Variants in SLC6A2 observed in about 807,000 individuals in gnomAD.
SLC6A2 encodes the protein solute carrier family 6 member 2, also known as sodium-dependent noradrenaline transporter.
SLC6A2 carries 26 observed loss-of-function variants against 71.7 expected under a neutral mutation model. The ratio of observed to expected loss-of-function variants is 0.36; its 90% confidence interval spans 0.27 to 0.50. The LOEUF is 0.50. Ranked by LOEUF, SLC6A2 falls within the 20% of genes least tolerant of loss-of-function variation. The probability of loss-of-function intolerance (pLI) is 0.96; values close to 1 mark genes in which losing one functional copy is unlikely to be tolerated. For missense variants in SLC6A2, 581 were observed against 803.9 expected, an observed-to-expected ratio of 0.72 and a Z score of 3.35; for synonymous variants, 363 against 337.9, an observed-to-expected ratio of 1.07 and a Z score of -0.82.
chr16:55,694,837 G>A (rs969591442), intron 7 of SLC6A2, among the ~76,000 whole-genome samples: 1 of 152,162 alleles, frequency 6.6e-6, no homozygotes, highest in Non-Finnish European at 1.5e-5. Flanking sequence ...TGCACTGGGG[G>A]GAGAAGCGGG....
At chr16:55,658,476 G>A (rs1964520015) in intron 2 of SLC6A2, among the ~76,000 whole-genome samples, 2 of 152,140 alleles carry the variant, frequency 1.3e-5, no homozygotes, top group South Asian at 4.2e-4. Context: ...TCACGCCACT[G>A]CACTCCAGCC....
intron 5 of SLC6A2, among the ~76,000 whole-genome samples, chr16:55,689,200 G>A (rs1014806769): frequency 4.6e-5 from 7 of 152,206 alleles, no homozygotes; most frequent in African/African-American, 1.7e-4. Context: ...GCACATTTGA[G>A]CATGAGTGAA....
In SLC6A2 at chr16:55,656,857, C is replaced by A. The variant is rs780362254; in HGVS notation, c.163C>A (p.Pro55Thr). The change falls in exon 2 of 15, where the codon CCC becomes ACC. Residue 55 changes from proline (P) to threonine (T), a missense_variant. Pro to Thr is a conservative substitution (Grantham distance 38). Coordinates refer to ENST00000568943, the MANE Select transcript of SLC6A2 (RefSeq NM_001172501.3). This position sits in a 1 kb window ranked among gnomAD's most constrained non-coding sequence, Gnocchi z 4.5. ...GGCGCCCCGCGACGGCGACGCGCAG[C>A]CCCGGGAGACCTGGGGCAAGAAGAT... ...LLAPRDGDAQPRETWGKKIDF... is the reference protein window; with the variant it reads ...LLAPRDGDAQTRETWGKKIDF... 6.2e-7 allele frequency: 1 copy of A among 1,613,846 alleles called. No homozygotes were observed. The highest frequency in any genetic ancestry group is 1.1e-5 in the South Asian group (1 of 91,074).
At chr16:55,684,241 C>T (rs571338193) in intron 4 of SLC6A2, among the ~76,000 whole-genome samples, 13 of 143,802 alleles carry the variant, frequency 9.0e-5, no homozygotes, top group South Asian at 2.4e-4. Context: ...GCTGAGTCTT[C>T]GGTGAGCCGT....
intron 7 of SLC6A2, among the ~76,000 whole-genome samples, chr16:55,694,756 A>G (rs1965742630): frequency 6.6e-6 from 1 of 152,180 alleles, no homozygotes; most frequent in African/African-American, 2.4e-5. Context: ...AAGCCAGTGC[A>G]TGGAGGTGAA....
rs760879679 is a variant in SLC6A2 at position 55,701,915 on chromosome 16, G to T, written c.1811G>T (p.Arg604Met). 2 of 1,613,850 alleles carry T rather than the reference G, an allele frequency of 1.2e-6. No homozygotes were observed. The highest frequency in any genetic ancestry group is 2.7e-5 in the African/African-American group (2 of 74,944). ...AACGAGCACCACCTGGTGGCTCAGA[G>T]GGACATCAGACAGTTCCAGGTGGGT... ...PENEHHLVAQ[R>M]DIRQFQLQHW... Residue 604 changes from arginine (R) to methionine (M), a missense_variant, in exon 14 of 15, where the codon AGG (arginine) becomes ATG (methionine). Coordinates refer to ENST00000568943, the MANE Select transcript of SLC6A2 (RefSeq NM_001172501.3).
intron 4 of SLC6A2, among the ~76,000 whole-genome samples, chr16:55,674,479 C>CAGTG (rs1428333483): frequency 6.6e-6 from 1 of 151,718 alleles, no homozygotes; most frequent in African/African-American, 2.4e-5. Context: ...GGCTGGAGTG[C>CAGTG]AGTGGTGTGA....
At chr16:55,671,613 T>A in intron 3 of SLC6A2, 1 of 516,080 alleles carries the variant, frequency 1.9e-6, no homozygotes, top group South Asian at 3.8e-5. Context: ...GATCAGCCGC[T>A]GCACTAGATT....
chr16:55,692,550 C>A (rs47958), intron 6 of SLC6A2, among the ~76,000 whole-genome samples: 62,291 of 152,012 alleles, frequency 0.41, 13,214 homozygotes, highest in East Asian at 0.52. Context: ...CCAGAGGCCC[C>A]AACTATGGTG....
Position 55,692,111 on chromosome 16 carries a change from A to G in SLC6A2, c.918+59A>G. 4 of 1,596,814 alleles carry G rather than the reference A, an allele frequency of 2.5e-6. No homozygotes were observed. In the Admixed American group the frequency reaches 6.7e-5, roughly 27 times the overall value. On this transcript the variant is annotated intron_variant, in intron 6 of 14. Transcript: ENST00000568943. ...GGCTTGTGGGAGGGTTTTCAGGAGAAGGTGATGATGGAAAATCTGGTCCCA... is the reference window on the plus strand; with the variant it reads ...GGCTTGTGGGAGGGTTTTCAGGAGAGGGTGATGATGGAAAATCTGGTCCCA...
chr16:55,665,115 G>A (rs1186168468), intron 2 of SLC6A2, among the ~76,000 whole-genome samples: 3 of 152,194 alleles, frequency 2.0e-5, no homozygotes, highest in Non-Finnish European at 4.4e-5. Context: ...GGAAGTAGGG[G>A]CAGGGCAAAC....
intron 4 of SLC6A2, among the ~76,000 whole-genome samples, chr16:55,679,027 A>G (rs1965185477): frequency 6.6e-6 from 1 of 152,130 alleles, no homozygotes. Flanking sequence ...CATTTCAACC[A>G]TGAGATTGGA....
chr16:55,703,761 TAAAG>T lies in SLC6A2; in HGVS notation c.*1418_*1421del, dbSNP rs1264753044. On this transcript the variant is annotated 3_prime_UTR_variant, in exon 15 of 15. Coordinates refer to ENST00000568943, the MANE Select transcript of SLC6A2 (RefSeq NM_001172501.3). Reference sequence around the variant, plus strand: ...CCTGTTGCGGGATCTTGGGAAAAAATAAAGAAGCCGCTGCATTCGCACGTCAAGA... The same window carrying T: ...CCTGTTGCGGGATCTTGGGAAAAAATAAGCCGCTGCATTCGCACGTCAAGA... 1.3e-5 allele frequency: 13 copies of T among 985,180 alleles called. No individual in the cohort carries two copies. The highest frequency in any genetic ancestry group is 1.7e-5 in the African/African-American group (1 of 57,182). 61.0% of individuals were successfully genotyped at this position (985,180 alleles called of 1,614,324 possible). A position where few individuals can be genotyped will look rare whatever the true frequency, so the allele number is the denominator to read the frequency against.
chr16:55,672,411 TAAAC>T (rs1190074008), intron 4 of SLC6A2, among the ~76,000 whole-genome samples: 5 of 152,128 alleles, frequency 3.3e-5, no homozygotes, highest in Non-Finnish European at 5.9e-5. Flanking sequence ...AATACACAAA[TAAAC>T]AGGTAAGGGA....
chr16:55,678,832 G>T (rs901102746), intron 4 of SLC6A2, among the ~76,000 whole-genome samples: 1 of 152,204 alleles, frequency 6.6e-6, no homozygotes, highest in South Asian at 2.1e-4. Context: ...TAAAACTGAC[G>T]TAAGTTTCTT....
chr16:55,677,448 C>T (rs374518801), intron 4 of SLC6A2, among the ~76,000 whole-genome samples: 1 of 152,114 alleles, frequency 6.6e-6, no homozygotes, highest in Non-Finnish European at 1.5e-5. Flanking sequence ...TTGATTCCTC[C>T]GCTGATGTCT....
At chr16:55,698,660 C>T in intron 11 of SLC6A2, 92 bp downstream of exon 11, 1 of 878,452 alleles carries the variant, frequency 1.1e-6, no homozygotes, top group Non-Finnish European at 1.9e-6. Flanking sequence ...TCCAGGACAG[C>T]CACCTAAAAT....
intron 2 of SLC6A2, among the ~76,000 whole-genome samples, chr16:55,666,453 G>T (rs1372812084): frequency 1.3e-5 from 2 of 152,152 alleles, no homozygotes; most frequent in African/African-American, 4.8e-5. Flanking sequence ...ACTCTCCCAG[G>T]TTTCCTTCTG....
At chr16:55,676,406 G>A (rs1304314746) in intron 4 of SLC6A2, among the ~76,000 whole-genome samples, 2 of 152,154 alleles carry the variant, frequency 1.3e-5, no homozygotes, top group African/African-American at 4.8e-5. Context: ...CTCTTGGGGA[G>A]GCTTCATTTC....
Sources: allele counts gnomAD v4.1 joint callset (sites outside exome capture counted in the v4.1 genomes callset), GRCh38; gene constraint gnomAD v4.1.1; non-coding constraint Gnocchi (gnomAD v3.1); transcripts MANE v1.5; gene names NCBI Gene and HGNC (gene_info 2026-07-23, HGNC 2026-07-21).